Variants in MLLT1 observed in about 807,000 individuals in gnomAD.
MLLT1 encodes protein ENL.
A neutral mutation model predicts 55.1 loss-of-function variants in MLLT1; 11 were observed. The observed-to-expected ratio is 0.20, with a 90% CI of 0.13 to 0.33. The LOEUF (loss-of-function observed/expected upper bound fraction) is 0.33. Ranked by LOEUF, MLLT1 falls within the 10% of genes least tolerant of loss-of-function variation. The pLI is 1.00. For missense variants in MLLT1, 536 were observed against 760.6 expected, an observed-to-expected ratio of 0.70 and a Z score of 3.47; for synonymous variants, 323 against 320.1, an observed-to-expected ratio of 1.01 and a Z score of -0.10.
intron 3 of MLLT1, among the ~76,000 whole-genome samples, chr19:6,242,426 G>A (rs1036779119): frequency 6.6e-6 from 1 of 152,160 alleles, no homozygotes; most frequent in African/African-American, 2.4e-5. Context: ...CTGTGCCCTC[G>A]GACATCTGCG....
intron 1 of MLLT1, among the ~76,000 whole-genome samples, chr19:6,275,876 G>T (rs549687295): frequency 6.6e-6 from 1 of 152,362 alleles, no homozygotes; most frequent in South Asian, 2.1e-4. Context: ...GGAGGCCTGG[G>T]ACAGAGTATT....
rs369577128 is a variant in MLLT1 at position 6,222,584 on chromosome 19, T to C, written c.647A>G (p.Lys216Arg). Residue 216 changes from lysine to arginine, a missense_variant, in exon 6 of 12, where the codon AAG becomes AGG. Lys to Arg is a conservative substitution (Grantham distance 26, BLOSUM62 2). This residue lies in a region of MLLT1 where 449 missense variants were observed against 489.0 expected (regional missense o/e 0.92). Transcript: ENST00000252674. The surrounding 1 kb of genome is among the most constrained non-coding windows in gnomAD (Gnocchi z 4.1). ...RKDSESKSSS[K>R]ELEREQAKSS... ...TTTGGCCTGCTCACGCTCCAGCTCCTTGGAGGAGCTCTTGCTCTCGGAGTC... is the reference window on the plus strand; with the variant it reads ...TTTGGCCTGCTCACGCTCCAGCTCCCTGGAGGAGCTCTTGCTCTCGGAGTC... The C allele has an allele frequency of 1.0e-5, 16 of 1,599,950 alleles. No individual in the cohort carries two copies. The African/African-American group carries it at 1.9e-4, about 19-fold the overall frequency.
At chr19:6,243,389 T>G (rs576256921) in intron 3 of MLLT1, among the ~76,000 whole-genome samples, 4 of 152,146 alleles carry the variant, frequency 2.6e-5, no homozygotes, top group Non-Finnish European at 5.9e-5. Context: ...GACAAGCACT[T>G]CCTGTTTGGC....
intron 3 of MLLT1, among the ~76,000 whole-genome samples, chr19:6,241,327 C>T (rs986851183): frequency 5.3e-5 from 8 of 152,248 alleles, no homozygotes; most frequent in South Asian, 2.1e-4. Context: ...GGCTCCAGGG[C>T]GCCAGGCCCC....
intron 8 of MLLT1, among the ~76,000 whole-genome samples, chr19:6,214,280 A>G (rs11669692): frequency 0.26 from 40,104 of 152,022 alleles, 6,228 homozygotes; most frequent in African/African-American, 0.42. Context: ...GCAGGCCAAG[A>G]GTGCTCCGGG....
At chr19:6,255,201 C>T (rs2091248308) in intron 3 of MLLT1, among the ~76,000 whole-genome samples, 1 of 152,040 alleles carries the variant, frequency 6.6e-6, no homozygotes. Flanking sequence ...AATAAAATAC[C>T]TAGGAATAAG....
Position 6,265,049 on chromosome 19 carries a change from CAAAAAAACA to C in MLLT1, c.194-2748_194-2740del, listed in dbSNP as rs1273356299. Among the ~76,000 whole-genome samples the C allele has an allele frequency of 3.7e-3, 87 of 23,298 alleles. 3 individuals are homozygous for C. The highest frequency in any genetic ancestry group is 8.3e-3 in the Admixed American group (17 of 2,048). The allele number at this position is 23,298 out of a possible 152,430, so 15.3% of individuals were successfully genotyped here. On this transcript the variant is annotated intron_variant, in intron 2 of 11. Transcript: ENST00000252674. ...AACATAGTGAACAGCAAAAAAAAAA[CAAAAAAACA>C]AAAAAACAAAAAAAAACATGATGTC...
chr19:6,261,363 C>A (rs1461459459), intron 3 of MLLT1, among the ~76,000 whole-genome samples: 4 of 152,206 alleles, frequency 2.6e-5, no homozygotes, highest in African/African-American at 9.7e-5. Flanking sequence ...TCCTCAAGGC[C>A]CTTCGTGCCA....
At chr19:6,271,776 G>A (rs114726199) in intron 1 of MLLT1, among the ~76,000 whole-genome samples, 1,693 of 152,298 alleles carry the variant, frequency 0.011, 31 homozygotes, top group African/African-American at 0.038. Context: ...TGAGATAGCC[G>A]GGAGCCAGCC....
chr19:6,230,680 G>A lies in MLLT1; in HGVS notation c.310C>T (p.Leu104=). 1.2e-6 allele frequency: 2 copies of A among 1,614,138 alleles called. No individual in the cohort carries two copies. Among genetic ancestry groups the A allele is most frequent in the African/African-American group, 1.3e-5 (1 of 75,064 alleles). Residue 104 remains leucine (L), a synonymous_variant, in exon 4 of 12, where the codon CTG becomes TTG. Coordinates refer to ENST00000252674, the MANE Select transcript of MLLT1 (RefSeq NM_005934.4). The surrounding 1 kb of genome is among the most constrained non-coding windows in gnomAD (Gnocchi z 9.0). ...EPRKVCFTYD[L]FLNLEGNPPV... ...GGGTTGCCTTCCAGGTTCAGGAACA[G>A]GTCGTAGGTGAAGCAGACCTTCCTC...
chr19:6,222,546 T>G lies in MLLT1; in HGVS notation c.685A>C (p.Thr229Pro), dbSNP rs1568277682. The change falls in exon 6 of 12, where the codon ACC (threonine) becomes CCC (proline). Residue 229 changes from threonine to proline, a missense_variant. Transcript: ENST00000252674. This position sits in a 1 kb window ranked among gnomAD's most constrained non-coding sequence, Gnocchi z 4.1. ...EREQAKSSKDTSRKLGEGRLP... is the reference protein window; with the variant it reads ...EREQAKSSKDPSRKLGEGRLP... ...CGGCCCTCGCCCAGCTTCCGCGAGG[T>G]GTCCTTGGAGCTTTTGGCCTGCTCA... is the stretch of plus-strand genomic sequence containing the variant. 24 of 1,600,896 alleles carry G rather than the reference T, an allele frequency of 1.5e-5. No homozygotes were observed. The highest frequency in any genetic ancestry group is 1.9e-5 in the Non-Finnish European group (23 of 1,179,718).
At chr19:6,269,677 C>A (rs1235415391) in intron 2 of MLLT1, among the ~76,000 whole-genome samples, 1 of 152,222 alleles carries the variant, frequency 6.6e-6, no homozygotes, top group Non-Finnish European at 1.5e-5. Context: ...AGCACACCCA[C>A]GCTTGTGCAC....
chr19:6,246,418 G>C lies in MLLT1; in HGVS notation c.277-15705C>G, dbSNP rs899565630. On this transcript the variant is annotated intron_variant, in intron 3 of 11. Transcript: ENST00000252674. ...CAACAGGTGAACGAATAAACAAACC[G>C]TAAGGCACCCATGCAGCGGAACACT... is the stretch of plus-strand genomic sequence containing the variant. 2.6e-5 allele frequency among the ~76,000 whole-genome samples: 4 copies of C among 152,296 alleles called. No individual in the cohort carries two copies. In the South Asian group the frequency reaches 8.3e-4, roughly 32 times the overall value.
chr19:6,223,974 C>G (rs1006114663), intron 5 of MLLT1, among the ~76,000 whole-genome samples: 16 of 152,168 alleles, frequency 1.1e-4, no homozygotes, highest in African/African-American at 3.6e-4. Context: ...CCCGAAGGCC[C>G]TGGGGAGGGG....
In MLLT1 at chr19:6,264,544, C is replaced by G. The variant is rs188389816; in HGVS notation, c.194-2234G>C. Among the ~76,000 whole-genome samples, 345 of 151,662 alleles carry G rather than the reference C, an allele frequency of 2.3e-3. 1 individual carries two copies. Among genetic ancestry groups the G allele is most frequent in the African/African-American group, 8.0e-3 (332 of 41,334 alleles). ...CAAAAAGAAAGAAAAAAAATAAAAA[C>G]CAAGAGTCAATGTCCTCAGATTCAA... On this transcript the variant is annotated intron_variant, in intron 2 of 11. Coordinates refer to ENST00000252674, the MANE Select transcript of MLLT1 (RefSeq NM_005934.4).
chr19:6,244,562 A>T (rs1183982673), intron 3 of MLLT1, among the ~76,000 whole-genome samples: 1 of 152,236 alleles, frequency 6.6e-6, no homozygotes, highest in Non-Finnish European at 1.5e-5. Context: ...ACTCGCCAGA[A>T]AAACAACAGT....
At chr19:6,253,196 C>G (rs1239001563) in intron 3 of MLLT1, among the ~76,000 whole-genome samples, 1 of 132,272 alleles carries the variant, frequency 7.6e-6, no homozygotes, top group Admixed American at 9.3e-5. Flanking sequence ...ACCCGGGAGG[C>G]AGAGCTTGCA....
chr19:6,239,460 C>A (rs763648631), intron 3 of MLLT1, among the ~76,000 whole-genome samples: 2 of 152,184 alleles, frequency 1.3e-5, no homozygotes, highest in Non-Finnish European at 2.9e-5. Flanking sequence ...CTGGCCAGAA[C>A]CAGGCACAGC....
chr19:6,211,805 G>T lies in MLLT1; in HGVS notation c.*1237C>A, dbSNP rs190251082. The T allele has an allele frequency of 1.9e-6, 2 of 1,064,280 alleles. No individual in the cohort carries two copies. The highest frequency in any genetic ancestry group is 2.3e-6 in the Non-Finnish European group (2 of 878,578). 65.9% of individuals were successfully genotyped at this position (1,064,280 alleles called of 1,614,324 possible). A position where few individuals can be genotyped will look rare whatever the true frequency, so the allele number is the denominator to read the frequency against. On this transcript the variant is annotated 3_prime_UTR_variant, in exon 12 of 12. Coordinates refer to ENST00000252674, the MANE Select transcript of MLLT1 (RefSeq NM_005934.4). The surrounding 1 kb of genome is among the most constrained non-coding windows in gnomAD (Gnocchi z 4.6). ...GTCCTGGCCCTGGAAGAGTGGGCCG[G>T]GAAGGAGGACCGGCTTGGCCCCTGG...
Sources: allele counts gnomAD v4.1 joint callset (sites outside exome capture counted in the v4.1 genomes callset), GRCh38; gene constraint gnomAD v4.1.1; regional missense constraint gnomAD v4.1.1; non-coding constraint Gnocchi (gnomAD v3.1); transcripts MANE v1.5; gene names NCBI Gene and HGNC (gene_info 2026-07-23, HGNC 2026-07-21).